The following PCDHGA4 variants were observed in gnomAD, a reference collection of about 807,000 sequenced individuals.
The protein encoded by PCDHGA4 is protocadherin gamma subfamily A, 4, also known as protocadherin gamma-A4.
Under a neutral mutation model 54.6 loss-of-function variants are expected in PCDHGA4, and 38 were observed. The observed-to-expected ratio is 0.70, with a 90% CI of 0.54 to 0.91. The LOEUF is 0.91. PCDHGA4 is among the 40% of genes least tolerant of loss of function. PCDHGA4 has a pLI of 0.00. For synonymous variants in PCDHGA4, 511 were observed against 512.9 expected (o/e 1.00, Z 0.05); for missense variants, 1,298 against 1,220.9 (o/e 1.06, Z -0.94).
chr5:141,428,061 G>A (rs755817800), intron 1 of PCDHGA4: 1 of 1,609,154 alleles, frequency 6.2e-7, no homozygotes, highest in South Asian at 1.1e-5. Flanking sequence ...GGTGGCGGTG[G>A]ACGCAGATTC....
At chr5:141,378,549 TAAAG>T (rs1207293265) in intron 1 of PCDHGA4, 5 of 152,122 alleles carry the variant, frequency 3.3e-5, no homozygotes, top group East Asian at 1.9e-4. Flanking sequence ...AATTAATAAA[TAAAG>T]AGTGAACATG....
chr5:141,506,061 G>A (rs1260513343), intron 3 of PCDHGA4, among the ~76,000 whole-genome samples: 2 of 152,144 alleles, frequency 1.3e-5, no homozygotes, highest in Non-Finnish European at 2.9e-5. Flanking sequence ...GGTTGACTAA[G>A]GGCTTCCTTT....
intron 1 of PCDHGA4, among the ~76,000 whole-genome samples, chr5:141,494,188 T>G (rs2099752632): frequency 6.6e-6 from 1 of 152,186 alleles, no homozygotes; most frequent in Non-Finnish European, 1.5e-5. Flanking sequence ...GTCCCGGGAC[T>G]TGGATGCCCC....
chr5:141,511,304 CTTGGGAAA>C lies in PCDHGA4; in HGVS notation c.*132_*139del. ...TGGTAGGGGCCAAGGCCATGCTCCC[CTTGGGAAA>C]CAGAAACAAGTGCCCAGTCAGCACC... is the stretch of plus-strand genomic sequence containing the variant. On this transcript the variant is annotated 3_prime_UTR_variant, in exon 4 of 4. Transcript: ENST00000571252. The C allele has an allele frequency of 2.0e-6, 3 of 1,490,438 alleles. No individual in the cohort carries two copies. The South Asian group carries it at 4.0e-5, about 20-fold the overall frequency. 92.3% of individuals were successfully genotyped at this position (1,490,438 alleles called of 1,614,324 possible). A position where few individuals can be genotyped will look rare whatever the true frequency, so the allele number is the denominator to read the frequency against.
At chr5:141,508,642 T>A (rs893357826) in intron 3 of PCDHGA4, among the ~76,000 whole-genome samples, 13 of 152,070 alleles carry the variant, frequency 8.5e-5, no homozygotes, top group Admixed American at 2.6e-4. Flanking sequence ...AGCTACTCCG[T>A]CAGGCCCTTC....
chr5:141,503,598 CAAAAA>C (rs765754054), intron 2 of PCDHGA4, among the ~76,000 whole-genome samples: 1 of 65,760 alleles, frequency 1.5e-5, no homozygotes, highest in African/African-American at 4.7e-5. Context: ...GACTCCAGCT[CAAAAA>C]AAAAAAAAAA....
In PCDHGA4 at chr5:141,355,370, G is replaced by C. The variant is rs756032397; in HGVS notation, c.263G>C (p.Arg88Pro). Reference sequence around the variant, plus strand: ...GCCAAGGACCTGGGGTTGGCGCCCCGGGAGCTGGCGGAGCGCGGAGTCCGC... The same window carrying C: ...GCCAAGGACCTGGGGTTGGCGCCCCCGGAGCTGGCGGAGCGCGGAGTCCGC... ...NIAKDLGLAP[R>P]ELAERGVRIV... Residue 88 changes from arginine to proline, a missense_variant, in exon 1 of 4, where the codon CGG becomes CCG. Physicochemically the swap from Arg to Pro is moderately radical, Grantham distance 103. Transcript: ENST00000571252. 1.2e-6 allele frequency: 2 copies of C among 1,614,036 alleles called. No individual in the cohort carries two copies. The highest frequency in any genetic ancestry group is 1.7e-6 in the Non-Finnish European group (2 of 1,179,924).
At position 141,485,731 on chromosome 5, in the gene PCDHGA4, C is replaced by G; in HGVS notation, c.2515-9076C>G. 6.2e-7 allele frequency: 1 copy of G among 1,614,152 alleles called. No homozygotes were observed. Among genetic ancestry groups the G allele is most frequent in the Non-Finnish European group, 8.5e-7 (1 of 1,180,022 alleles). ...TTGCACTGGATGTGAAGAAGCGCAG[C>G]GACGGCAGCCTGGTCCCAGAGCTGC... On this transcript the variant is annotated intron_variant, in intron 1 of 3. Transcript: ENST00000571252. The surrounding 1 kb of genome is among the most constrained non-coding windows in gnomAD (Gnocchi z 5.7).
chr5:141,360,175 C>T (rs1761457056), intron 1 of PCDHGA4: 1 of 1,609,628 alleles, frequency 6.2e-7, no homozygotes, highest in Non-Finnish European at 8.5e-7. Context: ...GGTGCGGTGG[C>T]TGCAGGTACT....
chr5:141,409,082 T>C (rs1332697516), intron 1 of PCDHGA4: 6 of 1,613,878 alleles, frequency 3.7e-6, no homozygotes, highest in African/African-American at 1.3e-5. Context: ...TATGTTCTCA[T>C]TGGATGAGAA....
chr5:141,367,484 C>A (rs1377181139), intron 1 of PCDHGA4: 13 of 152,012 alleles, frequency 8.6e-5, no homozygotes, highest in Admixed American at 8.5e-4. Flanking sequence ...TTGCAGTAAG[C>A]CGAGATCGCG....
intron 1 of PCDHGA4, chr5:141,391,745 C>T (rs1371260062): frequency 6.6e-6 from 1 of 152,116 alleles, no homozygotes; most frequent in African/African-American, 2.4e-5. Flanking sequence ...CATACTTATC[C>T]TTTGGCTTCT....
chr5:141,482,404 A>C (rs1262544355), intron 1 of PCDHGA4, among the ~76,000 whole-genome samples: 1 of 152,076 alleles, frequency 6.6e-6, no homozygotes, highest in Non-Finnish European at 1.5e-5. Flanking sequence ...GTACTCAATA[A>C]CTATTTGTTG....
In PCDHGA4 at chr5:141,374,581, C is replaced by A; in HGVS notation, c.2514+16960C>A. On this transcript the variant is annotated intron_variant, in intron 1 of 3. Transcript: ENST00000571252. ...ATGACCCTGATGTGGGAATGAACTC[C>A]CTTCAGGGATTTAAGCTCAGTGGTA... The A allele has an allele frequency of 1.9e-6, 3 of 1,613,660 alleles. No homozygotes were observed. In the East Asian group the frequency reaches 6.7e-5, roughly 36 times the overall value.
In PCDHGA4 at chr5:141,485,870, C is replaced by A. The variant is rs745737454; in HGVS notation, c.2515-8937C>A. On this transcript the variant is annotated intron_variant, in intron 1 of 3. Coordinates refer to ENST00000571252, the MANE Select transcript of PCDHGA4 (RefSeq NM_018917.4). The surrounding 1 kb of genome is among the most constrained non-coding windows in gnomAD (Gnocchi z 5.7). ...CACCGCAGAGCTCCGGGTATCCGTGCTGGACGTAAACGACAACGCCCCAGC... is the reference window on the plus strand; with the variant it reads ...CACCGCAGAGCTCCGGGTATCCGTGATGGACGTAAACGACAACGCCCCAGC... 1 of 1,614,174 alleles carries A rather than the reference C, an allele frequency of 6.2e-7. No homozygotes were observed. Among genetic ancestry groups the A allele is most frequent in the Non-Finnish European group, 8.5e-7 (1 of 1,180,032 alleles).
chr5:141,487,616 G>T lies in PCDHGA4; in HGVS notation c.2515-7191G>T. The T allele has an allele frequency of 1.2e-6, 2 of 1,614,220 alleles. No homozygotes were observed. The highest frequency in any genetic ancestry group is 1.7e-6 in the Non-Finnish European group (2 of 1,180,044). ...CTCTGATCTTCTCTATGGGCTAGAGGTGAGACCTTTGCAGGCTCAACAAAT... is the reference window on the plus strand; with the variant it reads ...CTCTGATCTTCTCTATGGGCTAGAGTTGAGACCTTTGCAGGCTCAACAAAT... On this transcript the variant is annotated intron_variant, in intron 1 of 3. Coordinates refer to ENST00000571252, the MANE Select transcript of PCDHGA4 (RefSeq NM_018917.4). This position sits in a 1 kb window ranked among gnomAD's most constrained non-coding sequence, Gnocchi z 5.0.
chr5:141,415,126 C>T, intron 1 of PCDHGA4: 1 of 1,613,688 alleles, frequency 6.2e-7, no homozygotes, highest in Non-Finnish European at 8.5e-7. Context: ...AGTGGCCGTC[C>T]AGGACCACGG....
intron 1 of PCDHGA4, chr5:141,427,497 G>C (rs775492626): frequency 1.6e-5 from 9 of 568,020 alleles, no homozygotes; most frequent in African/African-American, 3.7e-5. Flanking sequence ...GCTTGTAACA[G>C]ATGGGACCCT....
At position 141,491,466 on chromosome 5, in the gene PCDHGA4, T is replaced by C; in HGVS notation, c.2515-3341T>C. The C allele has an allele frequency of 6.2e-7, 1 of 1,614,068 alleles. No homozygotes were observed. The highest frequency in any genetic ancestry group is 8.5e-7 in the Non-Finnish European group (1 of 1,179,986). ...AGGACTCACCCTCCCCGGACTTCTA[T>C]AAGCAGTCCAGCCCCAACCTGCAGG... On this transcript the variant is annotated intron_variant, in intron 1 of 3. Transcript: ENST00000571252. The surrounding 1 kb of genome is among the most constrained non-coding windows in gnomAD (Gnocchi z 6.9).
Sources: gnomAD v4.1 joint callset for allele counts (sites outside exome capture counted in the v4.1 genomes callset) on GRCh38, gnomAD v4.1.1 for gene constraint, Gnocchi (gnomAD v3.1) non-coding constraint, MANE v1.5 for transcripts, NCBI Gene and HGNC (gene_info 2026-07-23, HGNC 2026-07-21) for gene names.